ERICH1: variants seen among roughly 807,000 people sequenced by gnomAD.
The protein encoded by ERICH1 is glutamate rich 1, also known as glutamate-rich protein 1.
A neutral mutation model predicts 39.6 loss-of-function variants in ERICH1; 56 were observed. The ratio of observed to expected loss-of-function variants is 1.41; its 90% CI spans 1.14 to 1.77. ERICH1 has a LOEUF of 1.77. Ranked by LOEUF, ERICH1 falls within the 40% of genes most tolerant of loss-of-function variation. ERICH1 has a pLI of 0.00. For synonymous variants in ERICH1, 313 were observed against 223.6 expected (o/e 1.40, Z -3.57); for missense variants, 826 against 575.4 (o/e 1.44, Z -4.45).
intron 1 of ERICH1, among the ~76,000 whole-genome samples, chr8:718,327 G>A (rs1322789262): frequency 6.6e-6 from 1 of 152,132 alleles, no homozygotes; most frequent in African/African-American, 2.4e-5. Flanking sequence ...AAGGCTTCCT[G>A]AGGCAGATTT....
At chr8:707,462 C>T (rs1356454634) in intron 2 of ERICH1, among the ~76,000 whole-genome samples, 3 of 152,276 alleles carry the variant, frequency 2.0e-5, no homozygotes, top group Middle Eastern at 6.8e-3. Context: ...TCCACCTCAG[C>T]CTCCAAAGTG....
chr8:643,703 G>A (rs1585018936), intron 3 of ERICH1, among the ~76,000 whole-genome samples: 2 of 152,228 alleles, frequency 1.3e-5, no homozygotes, highest in South Asian at 2.1e-4. Flanking sequence ...TGAGCCATCC[G>A]CGACTTCGGG....
At chr8:726,818 A>T (rs1818833663) in intron 1 of ERICH1, among the ~76,000 whole-genome samples, 1 of 151,896 alleles carries the variant, frequency 6.6e-6, no homozygotes, top group Non-Finnish European at 1.5e-5. Flanking sequence ...CACACACCAC[A>T]CATGCACAGA....
chr8:674,237 C>A (rs569169897), intron 3 of ERICH1, among the ~76,000 whole-genome samples, 190 bp from the exon 4 acceptor site: 4 of 150,502 alleles, frequency 2.7e-5, no homozygotes, highest in Non-Finnish European at 4.4e-5. Flanking sequence ...GCAGTACATA[C>A]ACTCACAGAT....
chr8:674,406 G>A (rs1045534933), intron 3 of ERICH1, among the ~76,000 whole-genome samples: 1 of 147,728 alleles, frequency 6.8e-6, no homozygotes, highest in African/African-American at 2.5e-5. Context: ...AGGTTCAAGT[G>A]ATTCCGGTAC....
chr8:641,011 A>G (rs2117217862), intron 3 of ERICH1: 1 of 152,256 alleles, frequency 6.6e-6, no homozygotes, highest in African/African-American at 2.4e-5. Flanking sequence ...CTCACGTGGG[A>G]TTCGCCCTGA....
At chr8:721,415 T>G (rs544126532) in intron 1 of ERICH1, among the ~76,000 whole-genome samples, 1 of 152,156 alleles carries the variant, frequency 6.6e-6, no homozygotes, top group Non-Finnish European at 1.5e-5. Context: ...AGCATGGAGG[T>G]TGGGGCTGGG....
chr8:666,898 G>C (rs1802340958), intron 5 of ERICH1: 1 of 152,490 alleles, frequency 6.6e-6, no homozygotes, highest in Admixed American at 6.5e-5. Flanking sequence ...ACCTGTGGCT[G>C]CACCTTGGTC....
intron 5 of ERICH1, among the ~76,000 whole-genome samples, chr8:665,716 G>C (rs1802113053): frequency 6.6e-6 from 1 of 152,210 alleles, no homozygotes; most frequent in Non-Finnish European, 1.5e-5. Context: ...TCACAGAAGC[G>C]GGAGAGCTTG....
At chr8:691,884 C>G (rs954042753) in intron 3 of ERICH1, among the ~76,000 whole-genome samples, 1 of 152,124 alleles carries the variant, frequency 6.6e-6, no homozygotes, top group Non-Finnish European at 1.5e-5. Flanking sequence ...AAAAGATCAA[C>G]GTGAAGTGAA....
rs1819906345 is a variant in ERICH1 at position 731,134 on chromosome 8, AC to A, written c.22+5del. 1 of 1,523,960 alleles carries A rather than the reference AC, an allele frequency of 6.6e-7. No individual in the cohort carries two copies. Among genetic ancestry groups the A allele is most frequent in the Admixed American group, 2.0e-5 (1 of 50,544 alleles). The allele number at this position is 1,523,960 out of a possible 1,614,324, so 94.4% of individuals were successfully genotyped here. ...CTGGGCAGGCCTCCGCACCGCACCC[AC>A]CTACCGTGCTTCCTGTGCGCCGCCA... On this transcript the variant is annotated splice_donor_5th_base_variant and intron_variant, in intron 1 of 5. Transcript: ENST00000262109.
At chr8:678,635 C>G (rs1228251068) in intron 3 of ERICH1, among the ~76,000 whole-genome samples, 1 of 152,108 alleles carries the variant, frequency 6.6e-6, no homozygotes, top group Non-Finnish European at 1.5e-5. Context: ...CGGTGAAACC[C>G]AGTCTCTACT....
At chr8:618,522 G>T (rs1421972152) in intron 3 of ERICH1, among the ~76,000 whole-genome samples, 1 of 152,216 alleles carries the variant, frequency 6.6e-6, no homozygotes, top group Admixed American at 6.5e-5. Context: ...AGCTCAGTGG[G>T]TACATGCTAA....
At chr8:664,947 T>A (rs1801963362) in intron 5 of ERICH1, among the ~76,000 whole-genome samples, 1 of 152,228 alleles carries the variant, frequency 6.6e-6, no homozygotes. Flanking sequence ...CTATTACACC[T>A]TAACTTCAAA....
rs1358212212 is a variant in ERICH1 at position 624,270 on chromosome 8, G to A, written c.977-8986C>T. ...AGATTGGAGAGGATGTGAAGATATC[G>A]GAACCACTGAGATGAGGAACCAAGG... On this transcript the variant is annotated intron_variant, in intron 3 of 3. Coordinates refer to the ERICH1 transcript ENST00000522706. Among the ~76,000 whole-genome samples, 7 of 152,086 alleles carry A rather than the reference G, an allele frequency of 4.6e-5. No individual in the cohort carries two copies. The East Asian group carries it at 5.8e-4, about 13-fold the overall frequency.
rs1314596193 is a variant in ERICH1 at position 625,454 on chromosome 8, G to A, written c.977-10170C>T. ...TACAGAGACAGGAAGAAGATTAGGG[G>A]TTGCTGGGGCTGAGGGTACGGGGTC... On this transcript the variant is annotated intron_variant, in intron 3 of 3. Transcript: ENST00000522706. 3.3e-5 allele frequency among the ~76,000 whole-genome samples: 5 copies of A among 152,274 alleles called. No individual in the cohort carries two copies. In the East Asian group the frequency reaches 5.8e-4, roughly 18 times the overall value.
chr8:662,228 G>A (rs1585104023), downstream of ERICH1, among the ~76,000 whole-genome samples: 1 of 152,298 alleles, frequency 6.6e-6, no homozygotes, highest in African/African-American at 2.4e-5. Context: ...GCATTCACTT[G>A]CAGGGGATGG....
At chr8:661,433 G>A (rs181034029), downstream of ERICH1, among the ~76,000 whole-genome samples, 88 of 152,230 alleles carry the variant, frequency 5.8e-4, no homozygotes, top group African/African-American at 2.0e-3. Flanking sequence ...AAGCAGTACT[G>A]ACAGGCTCAG....
chr8:636,516 C>T (rs1172944151), intron 3 of ERICH1, among the ~76,000 whole-genome samples: 1 of 152,254 alleles, frequency 6.6e-6, no homozygotes, highest in African/African-American at 2.4e-5. Context: ...TTCTGCCCCA[C>T]GTGGGCCCAA....
Sources: allele counts gnomAD v4.1 joint callset (sites outside exome capture counted in the v4.1 genomes callset), GRCh38; gene constraint gnomAD v4.1.1; transcripts MANE v1.5; gene names NCBI Gene and HGNC (gene_info 2026-07-23, HGNC 2026-07-21).